Variants in NRG3 observed in about 807,000 individuals in gnomAD.
NRG3 encodes neuregulin 3, also known as pro-neuregulin-3, membrane-bound isoform.
In NRG3, 31 loss-of-function variants were observed where a neutral mutation model predicts 66.9. That is an observed-to-expected ratio of 0.46 (90% CI 0.35 to 0.63). The LOEUF (loss-of-function observed/expected upper bound fraction) is 0.63, where lower values mean the gene tolerates loss of function less well. Ranked by LOEUF, NRG3 falls within the 20% of genes least tolerant of loss-of-function variation. The pLI is 0.00. For synonymous variants in NRG3, 393 were observed against 359.4 expected, an observed-to-expected ratio of 1.09 and a Z score of -1.06; for missense variants, 910 against 878.9, an observed-to-expected ratio of 1.04 and a Z score of -0.45.
At chr10:82,456,817 G>C (rs897751276) in intron 2 of NRG3, among the ~76,000 whole-genome samples, 1 of 152,178 alleles carries the variant, frequency 6.6e-6, no homozygotes, top group Non-Finnish European at 1.5e-5. Flanking sequence ...TACCGGGCCT[G>C]ACACTCGGCC....
intron 1 of NRG3, among the ~76,000 whole-genome samples, chr10:82,066,024 T>G (rs2064438863): frequency 6.6e-6 from 1 of 152,222 alleles, no homozygotes; most frequent in Non-Finnish European, 1.5e-5. Flanking sequence ...TAAAAATCTA[T>G]CATTTTAACA....
intron 1 of NRG3, among the ~76,000 whole-genome samples, chr10:82,260,676 T>C (rs1247943088): frequency 6.6e-6 from 1 of 152,194 alleles, no homozygotes; most frequent in Non-Finnish European, 1.5e-5. Flanking sequence ...CATTTTAGTC[T>C]TCTCCATTTC....
At chr10:82,199,091 C>T (rs2074621291) in intron 1 of NRG3, among the ~76,000 whole-genome samples, 1 of 149,682 alleles carries the variant, frequency 6.7e-6, no homozygotes, top group Non-Finnish European at 1.5e-5. Flanking sequence ...ATTGTTGGAA[C>T]CTGGGAGGCA....
intron 2 of NRG3, among the ~76,000 whole-genome samples, chr10:82,468,267 C>T (rs1254650216): frequency 6.6e-6 from 1 of 152,018 alleles, no homozygotes; most frequent in African/African-American, 2.4e-5. Flanking sequence ...AGTGATGCTC[C>T]TCCCTTGCAT....
At chr10:82,084,266 A>G (rs2065585166) in intron 1 of NRG3, among the ~76,000 whole-genome samples, 1 of 152,068 alleles carries the variant, frequency 6.6e-6, no homozygotes. Context: ...TAGTAAGGGC[A>G]CATTCAATAT....
At chr10:82,257,287 C>A (rs1375477235) in intron 1 of NRG3, among the ~76,000 whole-genome samples, 1 of 151,988 alleles carries the variant, frequency 6.6e-6, no homozygotes, top group African/African-American at 2.4e-5. Flanking sequence ...AAAAACTTTT[C>A]TTCCTTTTAC....
chr10:82,166,683 C>T (rs759360337), intron 1 of NRG3: 57 of 516,280 alleles, frequency 1.1e-4, no homozygotes, highest in Non-Finnish European at 1.8e-4. Flanking sequence ...TATATATTTA[C>T]TAATTTAGTT....
chr10:82,672,345 G>A (rs991407838), intron 2 of NRG3, among the ~76,000 whole-genome samples: 2 of 152,124 alleles, frequency 1.3e-5, no homozygotes, highest in South Asian at 2.1e-4. Context: ...GAGGAAGGGG[G>A]CATCTTTTTA....
chr10:82,514,482 A>G (rs1190332204), intron 2 of NRG3, among the ~76,000 whole-genome samples: 1 of 152,180 alleles, frequency 6.6e-6, no homozygotes, highest in East Asian at 1.9e-4. Context: ...TTTGTCAAAG[A>G]TCAAATCGTT....
chr10:82,326,938 A>G (rs1224861720), intron 1 of NRG3, among the ~76,000 whole-genome samples: 1 of 152,220 alleles, frequency 6.6e-6, no homozygotes, highest in East Asian at 1.9e-4. Flanking sequence ...AAATAAGGTG[A>G]TCCAGAAAGA....
At chr10:82,195,468 A>T (rs997011823) in intron 1 of NRG3, among the ~76,000 whole-genome samples, 1 of 152,154 alleles carries the variant, frequency 6.6e-6, no homozygotes, top group Non-Finnish European at 1.5e-5. Context: ...CAGCCCAGGG[A>T]TGAACTTTGT....
At chr10:82,303,792 G>A (rs772931010) in intron 1 of NRG3, among the ~76,000 whole-genome samples, 3 of 151,934 alleles carry the variant, frequency 2.0e-5, no homozygotes, top group Admixed American at 1.3e-4. Context: ...GCTTGAACCC[G>A]GGAGGCAGAG....
intron 2 of NRG3, among the ~76,000 whole-genome samples, chr10:82,503,703 A>G (rs1461658534): frequency 6.6e-6 from 1 of 152,126 alleles, no homozygotes. Flanking sequence ...CAGTAAGGAC[A>G]CCTAACCTGG....
At chr10:82,163,457 A>C (rs1351150738) in intron 1 of NRG3, among the ~76,000 whole-genome samples, 1 of 152,210 alleles carries the variant, frequency 6.6e-6, no homozygotes, top group Admixed American at 6.5e-5. Context: ...ACCAACTACA[A>C]TATTGTAAAT....
At chr10:82,462,437 T>A (rs2091560475) in intron 2 of NRG3, among the ~76,000 whole-genome samples, 1 of 152,112 alleles carries the variant, frequency 6.6e-6, no homozygotes, top group Admixed American at 6.5e-5. Context: ...AATTTAAAAA[T>A]TCTGCAATAG....
intron 7 of NRG3, among the ~76,000 whole-genome samples, chr10:82,974,994 C>T (rs1249568667): frequency 6.6e-6 from 1 of 152,150 alleles, no homozygotes; most frequent in Non-Finnish European, 1.5e-5. Flanking sequence ...GACTAGAACA[C>T]TGAGAGTTTG....
intron 2 of NRG3, among the ~76,000 whole-genome samples, chr10:82,421,216 A>G (rs1333024229): frequency 6.6e-6 from 1 of 152,126 alleles, no homozygotes; most frequent in Non-Finnish European, 1.5e-5. Flanking sequence ...ATCTGTTGTC[A>G]TTTTCCAAAG....
In NRG3 at chr10:82,169,995, GTT is replaced by G. The variant is rs34710450; in HGVS notation, c.824-188732_824-188731del. Among the ~76,000 whole-genome samples the G allele has an allele frequency of 6.6e-3, 949 of 142,738 alleles. 3 individuals are homozygous for G. The highest frequency in any genetic ancestry group is 9.9e-3 in the African/African-American group (389 of 39,188). 93.6% of individuals were successfully genotyped at this position (142,738 alleles called of 152,430 possible). On this transcript the variant is annotated intron_variant, in intron 1 of 8. Coordinates refer to ENST00000372141, the MANE Select transcript of NRG3 (RefSeq NM_001010848.4). The stretch of plus-strand genomic sequence containing the variant: ...TTCAAGACTTAAGTTTTTCATGTGT[GTT>G]TTTTTTTTTTTGATAGACCACTGAT...
chr10:81,941,563 G>A (rs932189720), intron 1 of NRG3, among the ~76,000 whole-genome samples: 2 of 152,116 alleles, frequency 1.3e-5, no homozygotes, highest in Admixed American at 1.3e-4. Flanking sequence ...TCTCATGTCA[G>A]GCTAAGAGAT....
Sources: allele counts gnomAD v4.1 joint callset (sites outside exome capture counted in the v4.1 genomes callset), GRCh38; gene constraint gnomAD v4.1.1; transcripts MANE v1.5; gene names NCBI Gene and HGNC (gene_info 2026-07-23, HGNC 2026-07-21).